The following TMEM221 variants were observed in gnomAD, a reference collection of about 807,000 sequenced individuals.
TMEM221 encodes transmembrane protein 221.
A neutral mutation model predicts 10.2 loss-of-function variants in TMEM221; 11 were observed. The ratio of observed to expected loss-of-function variants is 1.08; its 90% CI spans 0.68 to 1.79. TMEM221 has a LOEUF of 1.79. Ranked by LOEUF, TMEM221 falls within the 40% of genes most tolerant of loss-of-function variation. The probability of loss-of-function intolerance (pLI) is 0.00; values close to 1 mark genes in which losing one functional copy is unlikely to be tolerated. For synonymous variants in TMEM221, 172 were observed against 199.8 expected, an observed-to-expected ratio of 0.86 and a Z score of 1.18; for missense variants, 382 against 417.7, an observed-to-expected ratio of 0.91 and a Z score of 0.75.
rs1381101173 is a variant in TMEM221, at chr19:17,435,666, G to A, written c.*792C>T. ...CACACATTGAGGACCTATTGTGTGGGGGTCCCCGGAATGCCTCACATGAAG... is the reference window on the plus strand; with the variant it reads ...CACACATTGAGGACCTATTGTGTGGAGGTCCCCGGAATGCCTCACATGAAG... On this transcript the variant is annotated 3_prime_UTR_variant, in exon 3 of 3. Coordinates refer to ENST00000341130, the MANE Select transcript of TMEM221 (RefSeq NM_001190844.2). 6.6e-6 allele frequency: 1 copy of A among 152,214 alleles called. No individual in the cohort carries two copies. Among genetic ancestry groups the A allele is most frequent in the Non-Finnish European group, 1.5e-5 (1 of 68,082 alleles). 9.4% of individuals were successfully genotyped at this position (152,214 alleles called of 1,614,324 possible).
intron 2 of TMEM221, among the ~76,000 whole-genome samples, chr19:17,441,491 T>C (rs547170587): frequency 1.4e-4 from 21 of 152,238 alleles, no homozygotes; most frequent in African/African-American, 5.1e-4. Flanking sequence ...GGATTTGGGA[T>C]CACTAAGCCA....
In TMEM221 at chr19:17,436,916, A is replaced by T; in HGVS notation, c.418T>A (p.Tyr140Asn). The T allele has an allele frequency of 7.0e-7, 1 of 1,426,500 alleles. No individual in the cohort carries two copies. Among genetic ancestry groups the T allele is most frequent in the Non-Finnish European group, 9.2e-7 (1 of 1,091,928 alleles). The allele number at this position is 1,426,500 out of a possible 1,614,324, so 88.4% of individuals were successfully genotyped here. A position where few individuals can be genotyped will look rare whatever the true frequency, so the allele number is the denominator to read the frequency against. ...ISVYLAALSIYALLLFEIETG... is the reference protein window; with the variant it reads ...ISVYLAALSINALLLFEIETG... ...TCGATCTCGAAAAGTAGCAAGGCATAGATGGACAGTGCTAGGGAAGGAAAC... is the reference window on the plus strand; with the variant it reads ...TCGATCTCGAAAAGTAGCAAGGCATTGATGGACAGTGCTAGGGAAGGAAAC... The change falls in exon 3 of 3, where the codon TAT (tyrosine) becomes AAT (asparagine). Residue 140 changes from tyrosine to asparagine, a missense_variant. Tyr to Asn is a moderately radical substitution (Grantham distance 143). Transcript: ENST00000341130.
chr19:17,448,355 C>G lies in TMEM221; in HGVS notation c.108G>C (p.Ala36=). The G allele has an allele frequency of 1.5e-6, 2 of 1,369,116 alleles. No homozygotes were observed. The highest frequency in any genetic ancestry group is 1.9e-6 in the Non-Finnish European group (2 of 1,062,592). 84.8% of individuals were successfully genotyped at this position (1,369,116 alleles called of 1,614,324 possible). A position where few individuals can be genotyped will look rare whatever the true frequency, so the allele number is the denominator to read the frequency against. ...GCAGCCCCCGCAGCTCGGCGCGGCC[C>G]GCCTGCAGCTGAAACAGCAGCTGCG... ...LGAQLLFQLQ[A]GRAELRGLRA... is the part of the protein sequence containing the mutation. Residue 36 remains alanine (A), a synonymous_variant, in exon 1 of 3, where the codon GCG becomes GCC. Coordinates refer to ENST00000341130, the MANE Select transcript of TMEM221 (RefSeq NM_001190844.2). This position sits in a 1 kb window ranked among gnomAD's most constrained non-coding sequence, Gnocchi z 4.7.
rs1568399880 is a variant in TMEM221 at position 17,448,482 on chromosome 19, C to G, written c.-20G>C. The G allele has an allele frequency of 2.1e-6, 3 of 1,447,400 alleles. No individual in the cohort carries two copies. The Admixed American group carries it at 7.6e-5, about 37-fold the overall frequency. 89.7% of individuals were successfully genotyped at this position (1,447,400 alleles called of 1,614,324 possible). ...GGCCATGGCGGGGGTTCCTGCGGGCCGGGGGAAGAGTTGAGGAATTGAAGT... is the reference window on the plus strand; with the variant it reads ...GGCCATGGCGGGGGTTCCTGCGGGCGGGGGGAAGAGTTGAGGAATTGAAGT... On this transcript the variant is annotated 5_prime_UTR_variant, in exon 1 of 3. Coordinates refer to ENST00000341130, the MANE Select transcript of TMEM221 (RefSeq NM_001190844.2). The surrounding 1 kb of genome is among the most constrained non-coding windows in gnomAD (Gnocchi z 4.7).
At position 17,436,814 on chromosome 19, in the gene TMEM221, G is replaced by A. The variant is rs764839975; in HGVS notation, c.520C>T (p.Arg174Trp). 3.5e-4 allele frequency: 528 copies of A among 1,505,278 alleles called. 1 individual carries two copies. Among genetic ancestry groups the A allele is most frequent in the South Asian group, 9.4e-4 (75 of 79,512 alleles). The allele number at this position is 1,505,278 out of a possible 1,614,324, so 93.2% of individuals were successfully genotyped here. Reference sequence around the variant, plus strand: ...CCACGGCGGGCAGCCCGGGCAGCCCGGAGGAGAGTGTGGGTCAGCACAGCC... The same window carrying A: ...CCACGGCGGGCAGCCCGGGCAGCCCAGAGGAGAGTGTGGGTCAGCACAGCC... ...LVAVLTHTLLRAARAARRGLH... is the reference protein window; with the variant it reads ...LVAVLTHTLLWAARAARRGLH... The change falls in exon 3 of 3, where the codon CGG becomes TGG. Residue 174 changes from arginine to tryptophan, a missense_variant. By Grantham distance (101) the Arg-to-Trp change is moderately radical. Coordinates refer to ENST00000341130, the MANE Select transcript of TMEM221 (RefSeq NM_001190844.2).
In TMEM221 at chr19:17,436,861, C is replaced by G. The variant is rs1405867614; in HGVS notation, c.473G>C (p.Gly158Ala). 1.7e-5 allele frequency: 24 copies of G among 1,452,326 alleles called. No individual in the cohort carries two copies. Among genetic ancestry groups the G allele is most frequent in the Non-Finnish European group, 2.1e-5 (23 of 1,104,858 alleles). 90.0% of individuals were successfully genotyped at this position (1,452,326 alleles called of 1,614,324 possible). Reference sequence around the variant, plus strand: ...AGCCACCAGAACCAGGGTGCCCGAGCCGAGGATGGAAGCAGCTGCTGCGCC... The same window carrying G: ...AGCCACCAGAACCAGGGTGCCCGAGGCGAGGATGGAAGCAGCTGCTGCGCC... ...ETGAAAASIL[G>A]SGTLVLVAVL... Residue 158 changes from glycine to alanine, a missense_variant, in exon 3 of 3, where the codon GGC (glycine) becomes GCC (alanine). By Grantham distance (60) the Gly-to-Ala change is moderately conservative. Coordinates refer to ENST00000341130, the MANE Select transcript of TMEM221 (RefSeq NM_001190844.2).
rs28605805 is a variant in TMEM221 at position 17,436,813 on chromosome 19, C to T, written c.521G>A (p.Arg174Gln). 1.2e-3 allele frequency: 1,863 copies of T among 1,506,098 alleles called. 23 individuals carry two copies. The African/African-American group carries it at 0.02, about 16-fold the overall frequency. 93.3% of individuals were successfully genotyped at this position (1,506,098 alleles called of 1,614,324 possible). ...LVAVLTHTLL[R>Q]AARAARRGLH... is the part of the protein sequence containing the mutation. ...CCCACGGCGGGCAGCCCGGGCAGCC[C>T]GGAGGAGAGTGTGGGTCAGCACAGC... Residue 174 changes from arginine to glutamine, a missense_variant, in exon 3 of 3, where the codon CGG becomes CAG. Coordinates refer to ENST00000341130, the MANE Select transcript of TMEM221 (RefSeq NM_001190844.2).
rs2074905605 is a variant in TMEM221 at position 17,435,836 on chromosome 19, G to C, written c.*622C>G. 6.6e-6 allele frequency: 1 copy of C among 152,320 alleles called. No individual in the cohort carries two copies. The highest frequency in any genetic ancestry group is 2.4e-5 in the African/African-American group (1 of 41,432). 9.4% of individuals were successfully genotyped at this position (152,320 alleles called of 1,614,324 possible). A position where few individuals can be genotyped will look rare whatever the true frequency, so the allele number is the denominator to read the frequency against. ...GGTCCAGCTCTCCAGCCGTGCCCCTGGCCCTGGGCTGCTCCAAGCTTGGCA... is the reference window on the plus strand; with the variant it reads ...GGTCCAGCTCTCCAGCCGTGCCCCTCGCCCTGGGCTGCTCCAAGCTTGGCA... On this transcript the variant is annotated 3_prime_UTR_variant, in exon 3 of 3. Coordinates refer to ENST00000341130, the MANE Select transcript of TMEM221 (RefSeq NM_001190844.2).
chr19:17,441,770 TA>T (rs1169096925), intron 2 of TMEM221, among the ~76,000 whole-genome samples: 1 of 152,006 alleles, frequency 6.6e-6, no homozygotes, highest in African/African-American at 2.4e-5. Context: ...GGCTCTGTAC[TA>T]TTGCTTTGGA....
At chr19:17,444,000 C>G (rs867951460) in intron 2 of TMEM221, among the ~76,000 whole-genome samples, 2 of 148,290 alleles carry the variant, frequency 1.3e-5, no homozygotes, top group African/African-American at 5.0e-5. Context: ...TTTTCTCAAG[C>G]CATTTTTGAG....
intron 2 of TMEM221, 142 bp downstream of exon 2, chr19:17,445,057 C>T (rs1326835934): frequency 4.4e-6 from 3 of 681,362 alleles, no homozygotes. Context: ...GAGACTTTGC[C>T]CAAGGCACCA....
Position 17,436,122 on chromosome 19 carries a change from T to C in TMEM221, c.*336A>G, listed in dbSNP as rs1599615287. ...TATGCCTGTAACAGAATCTCATCCA[T>C]CTGGACAGCCACATTTCCCAGCCTC... is the stretch of plus-strand genomic sequence containing the variant. On this transcript the variant is annotated 3_prime_UTR_variant, in exon 3 of 3. Coordinates refer to ENST00000341130, the MANE Select transcript of TMEM221 (RefSeq NM_001190844.2). 1 of 226,204 alleles carries C rather than the reference T, an allele frequency of 4.4e-6. No homozygotes were observed. The highest frequency in any genetic ancestry group is 9.2e-5 in the East Asian group (1 of 10,816). 14.0% of individuals were successfully genotyped at this position (226,204 alleles called of 1,614,324 possible). A position where few individuals can be genotyped will look rare whatever the true frequency, so the allele number is the denominator to read the frequency against.
Position 17,436,783 on chromosome 19 carries a change from TGGAGCCCACGGCGGGCAGCCCG to T in TMEM221, c.529_550del (p.Arg177MetfsTer115). ...TTCAAAGGATGGCGGGGACAACTCA[TGGAGCCCACGGCGGGCAGCCCG>T]GGCAGCCCGGAGGAGAGTGTGGGTC... On this transcript the variant is annotated frameshift_variant, in exon 3 of 3. Transcript: ENST00000341130. LOFTEE classifies it low-confidence loss of function (END_TRUNC). 1 of 1,519,654 alleles carries T rather than the reference TGGAGCCCACGGCGGGCAGCCCG, an allele frequency of 6.6e-7. No individual in the cohort carries two copies. The allele number at this position is 1,519,654 out of a possible 1,614,324, so 94.1% of individuals were successfully genotyped here.
rs1417833796 is a variant in TMEM221, at chr19:17,436,761, A to G, written c.573T>C (p.Phe191=). The G allele has an allele frequency of 1.3e-6, 2 of 1,522,360 alleles. No individual in the cohort carries two copies. The highest frequency in any genetic ancestry group is 2.4e-5 in the South Asian group (2 of 82,114). 94.3% of individuals were successfully genotyped at this position (1,522,360 alleles called of 1,614,324 possible). A position where few individuals can be genotyped will look rare whatever the true frequency, so the allele number is the denominator to read the frequency against. ...RGLHELSPPS[F]EDDLARPAEV... ...CGGCAGGGCGGGCGAGGTCGTCTTC[A>G]AAGGATGGCGGGGACAACTCATGGA... is the stretch of plus-strand genomic sequence containing the variant. The change falls in exon 3 of 3, where the codon TTT becomes TTC. Residue 191 remains phenylalanine (F), a synonymous_variant. Transcript: ENST00000341130.
At chr19:17,437,693 A>T (rs1025636638) in intron 2 of TMEM221, among the ~76,000 whole-genome samples, 23 of 152,228 alleles carry the variant, frequency 1.5e-4, no homozygotes, top group African/African-American at 4.8e-4. Flanking sequence ...GCACCACTGC[A>T]CTCCAGCCTG....
At position 17,448,024 on chromosome 19, in the gene TMEM221, A is replaced by T; in HGVS notation, c.320+119T>A. Reference sequence around the variant, plus strand: ...GGCAGAGAGACATGGAGTGGTGGGGAGAGGGAAGTGGGGAGGGAAGCTGTC... The same window carrying T: ...GGCAGAGAGACATGGAGTGGTGGGGTGAGGGAAGTGGGGAGGGAAGCTGTC... On this transcript the variant is annotated intron_variant, in intron 1 of 2. Transcript: ENST00000341130. The surrounding 1 kb of genome is among the most constrained non-coding windows in gnomAD (Gnocchi z 4.7). The T allele has an allele frequency of 1.3e-6, 1 of 741,864 alleles. No homozygotes were observed. Among genetic ancestry groups the T allele is most frequent in the Non-Finnish European group, 1.8e-6 (1 of 540,552 alleles). 46.0% of individuals were successfully genotyped at this position (741,864 alleles called of 1,614,324 possible). A position where few individuals can be genotyped will look rare whatever the true frequency, so the allele number is the denominator to read the frequency against.
At chr19:17,447,620 G>A (rs965179790) in intron 1 of TMEM221, among the ~76,000 whole-genome samples, 10 of 152,280 alleles carry the variant, frequency 6.6e-5, no homozygotes, top group East Asian at 3.9e-4. Context: ...GTGGGACAGC[G>A]GAGTCCTCAG....
At chr19:17,445,972 C>T (rs1263585512) in intron 1 of TMEM221, among the ~76,000 whole-genome samples, 1 of 152,150 alleles carries the variant, frequency 6.6e-6, no homozygotes, top group Non-Finnish European at 1.5e-5. Flanking sequence ...TCCATCCACA[C>T]ATCCATTTTT....
At position 17,448,612 on chromosome 19, in the gene TMEM221, G is replaced by T. The variant is rs2074962970; in HGVS notation, c.-150C>A. ...CTGAAAGTTCGGGGACTGGGCTGGG[G>T]GTCGCCAGACGGACGGGGGCTCCGG... On this transcript the variant is annotated 5_prime_UTR_variant, in exon 1 of 3. Coordinates refer to ENST00000341130, the MANE Select transcript of TMEM221 (RefSeq NM_001190844.2). This position sits in a 1 kb window ranked among gnomAD's most constrained non-coding sequence, Gnocchi z 4.7. The T allele has an allele frequency of 4.1e-6, 2 of 490,244 alleles. No individual in the cohort carries two copies. The highest frequency in any genetic ancestry group is 6.1e-5 in the South Asian group (1 of 16,336). 30.4% of individuals were successfully genotyped at this position (490,244 alleles called of 1,614,324 possible).
Sources: gnomAD v4.1 joint callset for allele counts (sites outside exome capture counted in the v4.1 genomes callset) on GRCh38, gnomAD v4.1.1 for gene constraint, Gnocchi (gnomAD v3.1) non-coding constraint, MANE v1.5 for transcripts, NCBI Gene and HGNC (gene_info 2026-07-23, HGNC 2026-07-21) for gene names.